Variants in LRRC4C observed in about 807,000 individuals in gnomAD.
LRRC4C encodes the protein leucine-rich repeat-containing protein 4C.
LRRC4C carries 5 observed loss-of-function variants against 33.6 expected under a neutral mutation model. The ratio of observed to expected loss-of-function variants is 0.15; its 90% CI spans 0.08 to 0.31. LRRC4C has a LOEUF of 0.31. LRRC4C is among the 10% of genes least tolerant of loss of function. LRRC4C has a pLI of 1.00. For synonymous variants in LRRC4C, 329 were observed against 302.0 expected (o/e 1.09, Z -0.93); for missense variants, 560 against 796.7 (o/e 0.70, Z 3.58).
intron 1 of LRRC4C, among the ~76,000 whole-genome samples, chr11:41,158,083 G>C (rs1944312416): frequency 6.6e-6 from 1 of 151,928 alleles, no homozygotes; most frequent in Non-Finnish European, 1.5e-5. Context: ...CCCAGCCTCT[G>C]GTGCTGTTCT....
chr11:40,787,294 G>A (rs1348470215), intron 2 of LRRC4C, among the ~76,000 whole-genome samples: 1 of 152,142 alleles, frequency 6.6e-6, no homozygotes, highest in East Asian at 1.9e-4. Flanking sequence ...GAGGGAACAA[G>A]GGAGGAGAAA....
intron 3 of LRRC4C, among the ~76,000 whole-genome samples, chr11:40,511,100 G>T (rs141856054): frequency 2.6e-3 from 399 of 152,124 alleles, no homozygotes; most frequent in Admixed American, 5.1e-3. Context: ...AATAATAAAG[G>T]TTATAAGAAA....
intron 1 of LRRC4C, among the ~76,000 whole-genome samples, chr11:41,082,219 T>C (rs1319337067): frequency 6.6e-6 from 1 of 152,212 alleles, no homozygotes; most frequent in Non-Finnish European, 1.5e-5. Context: ...TCAGCTTCTA[T>C]AGAAACGCAT....
intron 4 of LRRC4C, among the ~76,000 whole-genome samples, chr11:40,248,257 C>A (rs200707590): frequency 6.6e-6 from 1 of 152,152 alleles, no homozygotes; most frequent in Non-Finnish European, 1.5e-5. Flanking sequence ...GTTTTCCCAG[C>A]ACTTTATTCA....
intron 5 of LRRC4C, among the ~76,000 whole-genome samples, chr11:40,208,770 T>G (rs1194291348): frequency 6.6e-6 from 1 of 152,200 alleles, no homozygotes; most frequent in Admixed American, 6.5e-5. Context: ...GATCTAAAAC[T>G]CCTTTAGTTC....
intron 4 of LRRC4C, among the ~76,000 whole-genome samples, chr11:40,307,007 T>TATCTATCTCC (rs59077473): frequency 7.9e-5 from 12 of 151,406 alleles, no homozygotes; most frequent in Non-Finnish European, 1.6e-4. Flanking sequence ...TCTATGTATC[T>TATCTATCTCC]ATCTATCTAA....
At chr11:40,349,437 G>T (rs1353271465) in intron 3 of LRRC4C, among the ~76,000 whole-genome samples, 1 of 151,812 alleles carries the variant, frequency 6.6e-6, no homozygotes, top group Non-Finnish European at 1.5e-5. Context: ...ACTCTATTGT[G>T]TATATGTACC....
intron 6 of LRRC4C, among the ~76,000 whole-genome samples, chr11:40,119,284 T>G (rs1238719291): frequency 6.6e-6 from 1 of 152,200 alleles, no homozygotes; most frequent in African/African-American, 2.4e-5. Context: ...AGTCCTCCAT[T>G]GCTTTCTGGC....
chr11:40,480,445 C>G (rs1953490957), intron 3 of LRRC4C, among the ~76,000 whole-genome samples: 1 of 151,806 alleles, frequency 6.6e-6, no homozygotes, highest in South Asian at 2.1e-4. Context: ...CACATGGACA[C>G]AAAGAAGGGA....
chr11:40,566,129 T>TC (rs1158737888), intron 3 of LRRC4C, among the ~76,000 whole-genome samples: 1 of 150,554 alleles, frequency 6.6e-6, no homozygotes, highest in African/African-American at 2.4e-5. Flanking sequence ...ACTTTTTTTT[T>TC]CCTCTAAATA....
chr11:40,680,414 G>A (rs888794009), intron 2 of LRRC4C, among the ~76,000 whole-genome samples: 1 of 152,098 alleles, frequency 6.6e-6, no homozygotes, highest in Non-Finnish European at 1.5e-5. Context: ...TGAGGGGCCA[G>A]GGGCAGAAGG....
At chr11:40,915,194 A>C (rs1956893910) in intron 2 of LRRC4C, among the ~76,000 whole-genome samples, 1 of 152,124 alleles carries the variant, frequency 6.6e-6, no homozygotes, top group African/African-American at 2.4e-5. Flanking sequence ...GGAAAAAACT[A>C]CTTTAAAGTT....
At chr11:41,275,702 CTGTT>C (rs1366984027) in intron 1 of LRRC4C, among the ~76,000 whole-genome samples, 1 of 152,130 alleles carries the variant, frequency 6.6e-6, no homozygotes, top group Non-Finnish European at 1.5e-5. Context: ...CACTGCTACA[CTGTT>C]TGTTATGGTA....
At chr11:40,719,946 A>T (rs371929698) in intron 2 of LRRC4C, among the ~76,000 whole-genome samples, 13 of 144,488 alleles carry the variant, frequency 9.0e-5, no homozygotes, top group African/African-American at 2.3e-4. Context: ...TAAAAAAAAA[A>T]TTTTAATTTG....
At chr11:40,902,399 C>T (rs993983025) in intron 2 of LRRC4C, among the ~76,000 whole-genome samples, 2 of 152,160 alleles carry the variant, frequency 1.3e-5, no homozygotes, top group African/African-American at 4.8e-5. Flanking sequence ...TCTCAGGCAT[C>T]CCTATTTCCT....
At chr11:41,098,298 A>G (rs1380203412) in intron 1 of LRRC4C, among the ~76,000 whole-genome samples, 1 of 152,082 alleles carries the variant, frequency 6.6e-6, no homozygotes, top group African/African-American at 2.4e-5. Flanking sequence ...AATATCTCTG[A>G]CTGTTTCTCA....
chr11:40,717,128 T>C (rs1591539890), intron 2 of LRRC4C, among the ~76,000 whole-genome samples: 2 of 152,148 alleles, frequency 1.3e-5, no homozygotes, highest in African/African-American at 4.8e-5. Context: ...CCTTTATAAA[T>C]TCCTTGGCAT....
At chr11:40,474,247 G>C (rs539076501) in intron 3 of LRRC4C, among the ~76,000 whole-genome samples, 2 of 152,088 alleles carry the variant, frequency 1.3e-5, no homozygotes, top group Admixed American at 6.6e-5. Flanking sequence ...TAGACCAACG[G>C]AACAGAACAG....
At chr11:41,146,698 A>G (rs1181165253) in intron 1 of LRRC4C, among the ~76,000 whole-genome samples, 1 of 152,230 alleles carries the variant, frequency 6.6e-6, no homozygotes, top group Non-Finnish European at 1.5e-5. Flanking sequence ...TGGAGGAGCC[A>G]GACATGAAAA....
Sources: allele counts gnomAD v4.1 joint callset (sites outside exome capture counted in the v4.1 genomes callset), GRCh38; gene constraint gnomAD v4.1.1; transcripts MANE v1.5; gene names NCBI Gene and HGNC (gene_info 2026-07-23, HGNC 2026-07-21).